LAMA4: variants seen among roughly 807,000 people sequenced by gnomAD.
LAMA4 encodes the protein laminin subunit alpha 4.
A neutral mutation model predicts 207.1 loss-of-function variants in LAMA4; 127 were observed. The ratio of observed to expected loss-of-function variants is 0.61; its 90% confidence interval spans 0.53 to 0.71. The LOEUF is 0.71. LAMA4 is among the 30% of genes least tolerant of loss of function. The pLI, the probability that LAMA4 is intolerant of heterozygous loss-of-function variation, is 0.00. For missense variants in LAMA4, 2,093 were observed against 2,246.5 expected (o/e 0.93, Z 1.38); for synonymous variants, 761 against 816.0 (o/e 0.93, Z 1.15).
rs782367093 is a variant in LAMA4, at chr6:112,119,262, A to C, written c.4715T>G (p.Leu1572Arg). The C allele has an allele frequency of 1.0e-4, 168 of 1,613,950 alleles. No homozygotes were observed. Among genetic ancestry groups the C allele is most frequent in the Non-Finnish European group, 1.3e-4 (154 of 1,179,954 alleles). ...RSSGRLVIDG[L>R]RVLEESLPPT... ...AGGAAGACTTTCTTCTAGGACTCGG[A>C]GACCATCAATTACCAGTCGGCCACT... The change falls in exon 34 of 39, where the codon CTC (leucine) becomes CGC (arginine). Residue 1572 changes from leucine (L) to arginine (R), a missense_variant. Around this residue, in one of 3 missense-constraint regions of LAMA4, gnomAD observed 383 missense variants for 437.8 expected, o/e 0.87. Transcript: ENST00000230538.
chr6:112,161,825 A>C (rs1554338449), intron 13 of LAMA4, among the ~76,000 whole-genome samples: 1 of 152,108 alleles, frequency 6.6e-6, no homozygotes, highest in African/African-American at 2.4e-5. Context: ...GCAGGAAATA[A>C]GTATGGTATA....
At chr6:112,174,709 T>C (rs1164634724) in intron 11 of LAMA4, among the ~76,000 whole-genome samples, 1 of 152,196 alleles carries the variant, frequency 6.6e-6, no homozygotes, top group Non-Finnish European at 1.5e-5. Flanking sequence ...GCCAGGCTGG[T>C]CTCGAACTCC....
intron 2 of LAMA4, among the ~76,000 whole-genome samples, chr6:112,227,901 C>T (rs2345810): frequency 6.6e-6 from 1 of 152,138 alleles, no homozygotes; most frequent in Non-Finnish European, 1.5e-5. Context: ...AGGACTTTTA[C>T]GGTGCTTATT....
chr6:112,211,503 C>T (rs940447122), intron 3 of LAMA4, among the ~76,000 whole-genome samples: 9 of 152,142 alleles, frequency 5.9e-5, no homozygotes, highest in Non-Finnish European at 1.2e-4. Flanking sequence ...ATGAAGAAGA[C>T]CTGGTTCCTG....
Position 112,165,565 on chromosome 6 carries a change from CT to C in LAMA4, c.1552-290del, listed in dbSNP as rs1490279840. Among the ~76,000 whole-genome samples the C allele has an allele frequency of 2.0e-5, 3 of 152,306 alleles. No homozygotes were observed. In the East Asian group the frequency reaches 5.8e-4, roughly 29 times the overall value. On this transcript the variant is annotated intron_variant, in intron 12 of 38. Coordinates refer to ENST00000230538, the MANE Select transcript of LAMA4 (RefSeq NM_001105206.3). ...AGCGCCTTAGAGAGGGCATTTGTCT[CT>C]TTTTCCCAGAATATAAAAGAGGACT...
chr6:112,162,494 A>G, intron 13 of LAMA4, among the ~76,000 whole-genome samples: 1 of 152,132 alleles, frequency 6.6e-6, no homozygotes, highest in Non-Finnish European at 1.5e-5. Flanking sequence ...CAATAAAAAA[A>G]TAAATAAAAT....
chr6:112,135,025 A>T (rs1554331124), intron 25 of LAMA4, among the ~76,000 whole-genome samples: 1 of 152,166 alleles, frequency 6.6e-6, no homozygotes, highest in African/African-American at 2.4e-5. Context: ...ATGAGCTTGG[A>T]CATATGCAAA....
At chr6:112,189,838 G>C (rs149225501) in intron 6 of LAMA4, among the ~76,000 whole-genome samples, 8 of 152,238 alleles carry the variant, frequency 5.3e-5, no homozygotes, top group South Asian at 2.1e-4. Context: ...TTCATCTACT[G>C]ATGATTTTCT....
At chr6:112,253,365 G>C (rs1363045837) in intron 2 of LAMA4, 1 of 261,694 alleles carries the variant, frequency 3.8e-6, no homozygotes, top group African/African-American at 2.3e-5. Flanking sequence ...AGCATATCCT[G>C]AGGCTTGATT....
chr6:112,172,546 C>T, intron 12 of LAMA4, 65 bp downstream of exon 12: 2 of 1,457,030 alleles, frequency 1.4e-6, no homozygotes, highest in Non-Finnish European at 9.6e-7. Flanking sequence ...ATATCAACAG[C>T]CCCTTCTTGG....
chr6:112,211,997 G>C (rs782480115), intron 3 of LAMA4, among the ~76,000 whole-genome samples: 1 of 152,078 alleles, frequency 6.6e-6, no homozygotes, highest in African/African-American at 2.4e-5. Flanking sequence ...TGTGAATTAA[G>C]GCAGTGGGAA....
chr6:112,149,327 A>T (rs952423401), intron 17 of LAMA4, among the ~76,000 whole-genome samples: 8 of 152,088 alleles, frequency 5.3e-5, no homozygotes, highest in African/African-American at 1.9e-4. Flanking sequence ...AGTGGTACTT[A>T]TCCCCATGAC....
chr6:112,186,909 T>C (rs74928940), intron 8 of LAMA4: 5,094 of 455,294 alleles, frequency 0.011, 213 homozygotes, highest in African/African-American at 0.091. Context: ...CCAGTAGAGC[T>C]ATGAGGAGAA....
intron 12 of LAMA4, among the ~76,000 whole-genome samples, chr6:112,168,345 CTT>C (rs34395210): frequency 1.5e-4 from 20 of 129,274 alleles, no homozygotes; most frequent in African/African-American, 1.4e-4. Context: ...AGCTAGTGTT[CTT>C]TTTTTTTTTT....
intron 4 of LAMA4, among the ~76,000 whole-genome samples, chr6:112,204,617 C>T (rs1783950404): frequency 6.6e-6 from 1 of 152,018 alleles, no homozygotes; most frequent in African/African-American, 2.4e-5. Context: ...TATACCATGG[C>T]AAGAGAACTG....
chr6:112,111,355 C>A (rs957529600), intron 38 of LAMA4, among the ~76,000 whole-genome samples: 1 of 152,138 alleles, frequency 6.6e-6, no homozygotes, highest in African/African-American at 2.4e-5. Flanking sequence ...AAAAAAAATT[C>A]TTTGATTTTT....
chr6:112,252,946 T>G (rs367793479), intron 2 of LAMA4, among the ~76,000 whole-genome samples: 1 of 152,214 alleles, frequency 6.6e-6, no homozygotes, highest in African/African-American at 2.4e-5. Context: ...AGAAGGACCA[T>G]GTTCATGCAC....
In LAMA4 at chr6:112,120,474, T is replaced by C; in HGVS notation, c.4476-2A>G. On this transcript the variant is annotated splice_acceptor_variant, in intron 32 of 38. Coordinates refer to ENST00000230538, the MANE Select transcript of LAMA4 (RefSeq NM_001105206.3). LOFTEE classifies it high-confidence loss of function. The stretch of plus-strand genomic sequence containing the variant: ...CTCAGACGAATGGAAAACTGAGATC[T>C]GGTAAATGAAAAGAAAGGGATTACC... 6.2e-7 allele frequency: 1 copy of C among 1,610,660 alleles called. No homozygotes were observed. Among genetic ancestry groups the C allele is most frequent in the South Asian group, 1.1e-5 (1 of 90,998 alleles).
rs782463921 is a variant in LAMA4, at chr6:112,175,294, A to G, written c.1357+19T>C. On this transcript the variant is annotated intron_variant, in intron 11 of 38. Coordinates refer to ENST00000230538, the MANE Select transcript of LAMA4 (RefSeq NM_001105206.3). ...AGGGCAAACATGTGCTGGGTCAGCTATGAGAGGAATACACCTACGTTCGTA... is the reference window on the plus strand; with the variant it reads ...AGGGCAAACATGTGCTGGGTCAGCTGTGAGAGGAATACACCTACGTTCGTA... The G allele has an allele frequency of 1.2e-6, 2 of 1,613,040 alleles. No individual in the cohort carries two copies. The highest frequency in any genetic ancestry group is 1.7e-5 in the Admixed American group (1 of 60,022).
Sources: gnomAD v4.1 joint callset for allele counts (sites outside exome capture counted in the v4.1 genomes callset) on GRCh38, gnomAD v4.1.1 for gene constraint, gnomAD v4.1.1 regional missense constraint, MANE v1.5 for transcripts, NCBI Gene and HGNC (gene_info 2026-07-23, HGNC 2026-07-21) for gene names.